Variants in ADAMTS2 observed in about 807,000 individuals in gnomAD.
ADAMTS2 encodes A disintegrin and metalloproteinase with thrombospondin motifs 2.
A neutral mutation model predicts 123.0 loss-of-function variants in ADAMTS2; 50 were observed. The ratio of observed to expected loss-of-function variants is 0.41; its 90% confidence interval spans 0.32 to 0.51. The LOEUF (loss-of-function observed/expected upper bound fraction) is 0.51, where lower values mean the gene tolerates loss of function less well. ADAMTS2 is among the 20% of genes least tolerant of loss of function. The pLI is 0.35. For synonymous variants in ADAMTS2, 678 were observed against 695.4 expected (o/e 0.98, Z 0.39); for missense variants, 1,494 against 1,705.2 (o/e 0.88, Z 2.18).
At position 179,185,988 on chromosome 5, in the gene ADAMTS2, C is replaced by T. The variant is rs150084734; in HGVS notation, c.892-4833G>A. Among the ~76,000 whole-genome samples the T allele has an allele frequency of 5.8e-3, 883 of 152,152 alleles. 8 individuals are homozygous for T. The highest frequency in any genetic ancestry group is 0.011 in the South Asian group (55 of 4,826). On this transcript the variant is annotated intron_variant, in intron 4 of 21. Transcript: ENST00000251582. The surrounding 1 kb of genome is among the most constrained non-coding windows in gnomAD (Gnocchi z 5.9). Reference sequence around the variant, plus strand: ...TCCCTGGTAGCCTTCAACTGTGGTGCGCTCTCCCTGATCCTCTCCCCAGGA... The same window carrying T: ...TCCCTGGTAGCCTTCAACTGTGGTGTGCTCTCCCTGATCCTCTCCCCAGGA...
In ADAMTS2 at chr5:179,256,310, A is replaced by C. The variant is rs1766050631; in HGVS notation, c.688+16601T>G. ...GGAAAGAGGACGGGGGCTTATTATAAGGAAAATAGTGTCAGGCCTGCCATG... is the reference window on the plus strand; with the variant it reads ...GGAAAGAGGACGGGGGCTTATTATACGGAAAATAGTGTCAGGCCTGCCATG... On this transcript the variant is annotated intron_variant, in intron 3 of 21. Transcript: ENST00000251582. This position sits in a 1 kb window ranked among gnomAD's most constrained non-coding sequence, Gnocchi z 4.1. Among the ~76,000 whole-genome samples, 1 of 152,130 alleles carries C rather than the reference A, an allele frequency of 6.6e-6. No homozygotes were observed. Among genetic ancestry groups the C allele is most frequent in the African/African-American group, 2.4e-5 (1 of 41,438 alleles).
In ADAMTS2 at chr5:179,180,965, G is replaced by A. The variant is rs1764033291; in HGVS notation, c.975+107C>T. The A allele has an allele frequency of 1.2e-6, 1 of 813,872 alleles. No homozygotes were observed. Among genetic ancestry groups the A allele is most frequent in the Non-Finnish European group, 2.1e-6 (1 of 473,460 alleles). 50.4% of individuals were successfully genotyped at this position (813,872 alleles called of 1,614,324 possible). ...CCTCAGGGGAGCCAGGGAGAGGCAG[G>A]GTGGTTCTGGCAAACGCACACACTC... On this transcript the variant is annotated intron_variant, in intron 5 of 21. Coordinates refer to ENST00000251582, the MANE Select transcript of ADAMTS2 (RefSeq NM_014244.5). The surrounding 1 kb of genome is among the most constrained non-coding windows in gnomAD (Gnocchi z 4.6).
rs1247124745 is a variant in ADAMTS2, at chr5:179,111,335, CAGA to C, written c.*2529_*2531del. ...CTGGGCGCCAGGAGCCCCTCAGATG[CAGA>C]AGAAGCTGGCTTGCGAAGATCAGGA... is the stretch of plus-strand genomic sequence containing the variant. On this transcript the variant is annotated 3_prime_UTR_variant, in exon 22 of 22. Coordinates refer to ENST00000251582, the MANE Select transcript of ADAMTS2 (RefSeq NM_014244.5). 1 of 152,252 alleles carries C rather than the reference CAGA, an allele frequency of 6.6e-6. No individual in the cohort carries two copies. Among genetic ancestry groups the C allele is most frequent in the African/African-American group, 2.4e-5 (1 of 41,472 alleles). The allele number at this position is 152,252 out of a possible 1,614,324, so 9.4% of individuals were successfully genotyped here. A position where few individuals can be genotyped will look rare whatever the true frequency, so the allele number is the denominator to read the frequency against.
chr5:179,214,131 G>A (rs534947307), intron 3 of ADAMTS2, among the ~76,000 whole-genome samples: 14 of 147,870 alleles, frequency 9.5e-5, no homozygotes, highest in Non-Finnish European at 1.6e-4. Flanking sequence ...CTCAAAAGCC[G>A]TGCCCACAGT....
intron 3 of ADAMTS2, among the ~76,000 whole-genome samples, chr5:179,209,287 C>A (rs568951607): frequency 4.6e-5 from 7 of 152,376 alleles, no homozygotes; most frequent in African/African-American, 1.7e-4. Context: ...TTGCACCCTG[C>A]AGCCTGGCTC....
In ADAMTS2 at chr5:179,312,299, A is replaced by AT. The variant is rs1756855244; in HGVS notation, c.534+31467_534+31468insA. On this transcript the variant is annotated intron_variant, in intron 2 of 21. Coordinates refer to ENST00000251582, the MANE Select transcript of ADAMTS2 (RefSeq NM_014244.5). The surrounding 1 kb of genome is among the most constrained non-coding windows in gnomAD (Gnocchi z 4.2). The stretch of plus-strand genomic sequence containing the variant: ...ATTCCCCCCAAATTCCGATGTTGAA[A>AT]GCTACTCCCCCAAGGTGATATATTA... 6.6e-6 allele frequency among the ~76,000 whole-genome samples: 1 copy of AT among 152,156 alleles called. No individual in the cohort carries two copies. The highest frequency in any genetic ancestry group is 2.4e-5 in the African/African-American group (1 of 41,428).
chr5:179,125,864 T>G, intron 18 of ADAMTS2, 134 bp downstream of exon 18: 53 of 1,338,072 alleles, frequency 4.0e-5, no homozygotes, highest in Non-Finnish European at 5.2e-5. Context: ...TTAGATTCCA[T>G]GAAATGTGGT....
At chr5:179,206,300 C>G (rs1224413175) in intron 4 of ADAMTS2, among the ~76,000 whole-genome samples, 1 of 152,142 alleles carries the variant, frequency 6.6e-6, no homozygotes, top group East Asian at 1.9e-4. Flanking sequence ...CCTGAGGTAT[C>G]TTTTCACCAG....
intron 9 of ADAMTS2, 90 bp from the exon 10 acceptor site, chr5:179,152,345 T>C: frequency 1.6e-6 from 2 of 1,241,170 alleles, no homozygotes; most frequent in Non-Finnish European, 2.3e-6. Flanking sequence ...GAACCTGAGA[T>C]GCCCCAGTGG....
chr5:179,334,791 T>G (rs1159341576), intron 2 of ADAMTS2, among the ~76,000 whole-genome samples: 1 of 152,210 alleles, frequency 6.6e-6, no homozygotes, highest in Non-Finnish European at 1.5e-5. Context: ...CCTTCCTGTG[T>G]ACCAATAGAT....
intron 2 of ADAMTS2, among the ~76,000 whole-genome samples, chr5:179,316,874 A>G (rs917897792): frequency 2.0e-5 from 3 of 152,180 alleles, no homozygotes; most frequent in Admixed American, 6.5e-5. Context: ...CCAGGAGGTC[A>G]AGGTTGCAGG....
intron 3 of ADAMTS2, among the ~76,000 whole-genome samples, chr5:179,249,562 G>A (rs543919382): frequency 6.6e-6 from 1 of 152,158 alleles, no homozygotes; most frequent in South Asian, 2.1e-4. Flanking sequence ...AAACAAAAGT[G>A]GGGACATTAC....
At chr5:179,311,810 T>C (rs1412641233) in intron 2 of ADAMTS2, among the ~76,000 whole-genome samples, 1 of 152,224 alleles carries the variant, frequency 6.6e-6, no homozygotes, top group African/African-American at 2.4e-5. Context: ...TATTCGGAGT[T>C]GAGCCCAGTC....
intron 2 of ADAMTS2, among the ~76,000 whole-genome samples, chr5:179,334,862 TA>T (rs988182801): frequency 6.6e-5 from 10 of 152,230 alleles, no homozygotes; most frequent in African/African-American, 2.4e-4. Flanking sequence ...TCCTGATTTT[TA>T]AAAATGGATG....
intron 2 of ADAMTS2, among the ~76,000 whole-genome samples, chr5:179,294,670 G>A (rs552374566): frequency 2.0e-5 from 3 of 152,326 alleles, no homozygotes; most frequent in Admixed American, 6.5e-5. Flanking sequence ...ACCCACATCC[G>A]CAGGGTGGCC....
chr5:179,147,421 T>A (rs1763270118), intron 10 of ADAMTS2, among the ~76,000 whole-genome samples: 1 of 152,212 alleles, frequency 6.6e-6, no homozygotes, highest in African/African-American at 2.4e-5. Context: ...GACCATCTTG[T>A]TACACTTGGC....
In ADAMTS2 at chr5:179,330,132, CAA is replaced by C. The variant is rs58696442; in HGVS notation, c.534+13633_534+13634del. 9.1e-4 allele frequency among the ~76,000 whole-genome samples: 88 copies of C among 96,872 alleles called. 1 individual carries two copies. The East Asian group carries it at 0.016, about 17-fold the overall frequency. The allele number at this position is 96,872 out of a possible 152,430, so 63.6% of individuals were successfully genotyped here. A position where few individuals can be genotyped will look rare whatever the true frequency, so the allele number is the denominator to read the frequency against. ...TGGGCGACAGAGCGAGACTCCGTCTCAAAAAAAAAAAAAAAAAAAGGAAACAA... is the reference window on the plus strand; with the variant it reads ...TGGGCGACAGAGCGAGACTCCGTCTCAAAAAAAAAAAAAAAAAGGAAACAA... On this transcript the variant is annotated intron_variant, in intron 2 of 21. Coordinates refer to ENST00000251582, the MANE Select transcript of ADAMTS2 (RefSeq NM_014244.5).
intron 4 of ADAMTS2, 39 bp downstream of exon 4, chr5:179,207,474 C>CCG: frequency 1.3e-5 from 12 of 927,310 alleles, no homozygotes; most frequent in Admixed American, 1.7e-5. Context: ...CTGGTTGACC[C>CCG]TCCCCGCCCC....
chr5:179,219,249 G>A lies in ADAMTS2; in HGVS notation c.689-11534C>T, dbSNP rs77663670. ...AGAGGCGAGAGATGAGGGCAGCCCC[G>A]TGTGCTGCTGACACTGTTCAGGTCC... On this transcript the variant is annotated intron_variant, in intron 3 of 21. Coordinates refer to ENST00000251582, the MANE Select transcript of ADAMTS2 (RefSeq NM_014244.5). Among the ~76,000 whole-genome samples, 315 of 152,302 alleles carry A rather than the reference G, an allele frequency of 2.1e-3. 2 individuals are homozygous for A. Among genetic ancestry groups the A allele is most frequent in the African/African-American group, 6.6e-3 (276 of 41,550 alleles).
Sources: gnomAD v4.1 joint callset for allele counts (sites outside exome capture counted in the v4.1 genomes callset) on GRCh38, gnomAD v4.1.1 for gene constraint, Gnocchi (gnomAD v3.1) non-coding constraint, MANE v1.5 for transcripts, NCBI Gene and HGNC (gene_info 2026-07-23, HGNC 2026-07-21) for gene names.